IKZF2: variants seen among roughly 807,000 people sequenced by gnomAD.
IKZF2 encodes zinc finger protein Helios.
In IKZF2, 15 loss-of-function variants were observed where a neutral mutation model predicts 49.2. The ratio of observed to expected loss-of-function variants is 0.30; its 90% CI spans 0.20 to 0.47. IKZF2 has a LOEUF of 0.47. Among genes scored for constraint, IKZF2 ranks in the 20% least tolerant of loss-of-function variants. The pLI is 1.00. For synonymous variants in IKZF2, 227 were observed against 221.4 expected, an observed-to-expected ratio of 1.03 and a Z score of -0.23; for missense variants, 567 against 664.6, an observed-to-expected ratio of 0.85 and a Z score of 1.61.
intron 3 of IKZF2, 109 bp from the exon 4 acceptor site, chr2:213,147,921 G>A (rs1257167372): frequency 2.8e-6 from 2 of 719,590 alleles, no homozygotes; most frequent in African/African-American, 3.5e-5. Context: ...AAACTGTAAG[G>A]TAATACATTT....
chr2:213,031,788 T>C (rs1427741702), intron 6 of IKZF2, among the ~76,000 whole-genome samples: 1 of 152,206 alleles, frequency 6.6e-6, no homozygotes, highest in Admixed American at 6.5e-5. Flanking sequence ...AAGTAGATGC[T>C]TAATCTCTCT....
chr2:213,080,537 C>T (rs1703832034), intron 4 of IKZF2, among the ~76,000 whole-genome samples: 1 of 152,052 alleles, frequency 6.6e-6, no homozygotes, highest in Non-Finnish European at 1.5e-5. Context: ...AGTGAAAAAA[C>T]CCTCTAATAA....
intron 7 of IKZF2, chr2:213,021,350 T>C (rs1363801566): frequency 1.3e-5 from 2 of 153,886 alleles, no homozygotes; most frequent in Non-Finnish European, 2.9e-5. Flanking sequence ...AAGATAGACA[T>C]TACAAATCTT....
intron 4 of IKZF2, among the ~76,000 whole-genome samples, chr2:213,138,862 A>G (rs1008909708): frequency 7.9e-5 from 12 of 151,974 alleles, no homozygotes; most frequent in African/African-American, 1.9e-4. Flanking sequence ...CTTCTGACCT[A>G]TAAACTGGAA....
At chr2:213,106,679 A>G (rs1019277719) in intron 4 of IKZF2, among the ~76,000 whole-genome samples, 2 of 151,906 alleles carry the variant, frequency 1.3e-5, no homozygotes, top group Non-Finnish European at 2.9e-5. Flanking sequence ...GAAAAGAAGA[A>G]AAAAAATGTT....
At chr2:213,130,018 G>C (rs1040607579) in intron 4 of IKZF2, among the ~76,000 whole-genome samples, 6 of 152,180 alleles carry the variant, frequency 3.9e-5, no homozygotes, top group African/African-American at 1.4e-4. Context: ...GCTGCAAATA[G>C]ATGAAGGTGA....
intron 4 of IKZF2, among the ~76,000 whole-genome samples, chr2:213,135,328 C>A (rs1444522306): frequency 6.6e-6 from 1 of 152,174 alleles, no homozygotes; most frequent in South Asian, 2.1e-4. Flanking sequence ...TATGACACTT[C>A]ATGCTATGAA....
intron 4 of IKZF2, among the ~76,000 whole-genome samples, chr2:213,072,454 A>C (rs1702813483): frequency 6.6e-6 from 1 of 152,142 alleles, no homozygotes; most frequent in South Asian, 2.1e-4. Flanking sequence ...TGCAGTAGAC[A>C]GTCTACAATC....
chr2:213,004,792 G>T lies in IKZF2; in HGVS notation c.*2568C>A, dbSNP rs187352755. On this transcript the variant is annotated 3_prime_UTR_variant, in exon 9 of 9. Coordinates refer to ENST00000434687, the MANE Select transcript of IKZF2 (RefSeq NM_001387220.1). ...CCCTGAGCCATATCCACCTCTTTCT[G>T]TTCCTCATGAAGCTAGGAAGATACA... 8 of 152,324 alleles carry T rather than the reference G, an allele frequency of 5.3e-5. No homozygotes were observed. In the Admixed American group the frequency reaches 5.3e-4, roughly 10 times the overall value. 9.4% of individuals were successfully genotyped at this position (152,324 alleles called of 1,614,324 possible).
intron 6 of IKZF2, among the ~76,000 whole-genome samples, chr2:213,040,242 GGT>G (rs1699489201): frequency 9.8e-6 from 1 of 102,352 alleles, no homozygotes; most frequent in Non-Finnish European, 2.2e-5. Context: ...TTGTGTCATG[GGT>G]TTTTTTTTTT....
intron 6 of IKZF2, among the ~76,000 whole-genome samples, chr2:213,035,314 C>A (rs575547878): frequency 2.0e-5 from 3 of 151,712 alleles, no homozygotes; most frequent in Non-Finnish European, 2.9e-5. Flanking sequence ...TTAACTGATT[C>A]TTGCCCGTCT....
intron 3 of IKZF2, among the ~76,000 whole-genome samples, chr2:213,148,189 T>C (rs965023279): frequency 1.3e-5 from 2 of 152,210 alleles, no homozygotes; most frequent in Non-Finnish European, 2.9e-5. Flanking sequence ...AAAAGACAGG[T>C]AGCTAAAGAA....
chr2:213,096,156 C>G (rs909044217), intron 4 of IKZF2, among the ~76,000 whole-genome samples: 3 of 151,884 alleles, frequency 2.0e-5, no homozygotes, highest in African/African-American at 7.2e-5. Context: ...GCATCATACT[C>G]TAAACTTGAT....
At chr2:213,119,282 C>T (rs1313083325) in intron 4 of IKZF2, among the ~76,000 whole-genome samples, 1 of 152,098 alleles carries the variant, frequency 6.6e-6, no homozygotes, top group Non-Finnish European at 1.5e-5. Context: ...TAAAGCCAGC[C>T]CTATCTGTAT....
chr2:213,139,402 C>T (rs2060791242), intron 4 of IKZF2, among the ~76,000 whole-genome samples: 1 of 151,888 alleles, frequency 6.6e-6, no homozygotes, highest in Non-Finnish European at 1.5e-5. Flanking sequence ...TAGTCTAATG[C>T]CATTAAACAT....
chr2:213,097,228 G>A (rs954719598), intron 4 of IKZF2, among the ~76,000 whole-genome samples: 25 of 151,790 alleles, frequency 1.6e-4, no homozygotes. Flanking sequence ...ATATGCAATA[G>A]TTGGAAATAA....
intron 4 of IKZF2, among the ~76,000 whole-genome samples, chr2:213,117,371 T>C (rs965781065): frequency 1.2e-4 from 19 of 152,230 alleles, no homozygotes; most frequent in African/African-American, 4.3e-4. Context: ...AGAGATGTTC[T>C]TCAACCCTTT....
chr2:213,088,455 C>T (rs1704918499), intron 4 of IKZF2, among the ~76,000 whole-genome samples: 5 of 152,028 alleles, frequency 3.3e-5, no homozygotes. Flanking sequence ...TATTTAAAAA[C>T]AGCTTTAAAA....
chr2:213,036,702 C>G (rs1334476547), intron 6 of IKZF2, among the ~76,000 whole-genome samples: 1 of 152,002 alleles, frequency 6.6e-6, no homozygotes, highest in Admixed American at 6.6e-5. Flanking sequence ...TTTCTGATAC[C>G]TTACATAAAA....
Sources: gnomAD v4.1 joint callset for allele counts (sites outside exome capture counted in the v4.1 genomes callset) on GRCh38, gnomAD v4.1.1 for gene constraint, MANE v1.5 for transcripts, NCBI Gene and HGNC (gene_info 2026-07-23, HGNC 2026-07-21) for gene names.